MYO15B: variants seen among roughly 807,000 people sequenced by gnomAD.
MYO15B encodes the protein myosin XVB pseudogene.
Under a neutral mutation model 119.3 loss-of-function variants are expected in MYO15B, and 207 were observed. The ratio of observed to expected loss-of-function variants is 1.73; its 90% CI spans 1.55 to 1.95. MYO15B has a LOEUF of 1.95. MYO15B is among the 30% of genes most tolerant of loss of function. MYO15B has a pLI of 0.00. For synonymous variants in MYO15B, 966 were observed against 498.9 expected (o/e 1.94, Z -12.48); for missense variants, 2,264 against 1,203.1 (o/e 1.88, Z -13.04).
At chr17:75,605,420 G>A in intron 19 of MYO15B, 84 bp from the exon 20 acceptor site, 1 of 642,150 alleles carries the variant, frequency 1.6e-6, no homozygotes, top group Non-Finnish European at 2.8e-6. Flanking sequence ...CTGGGCAAAA[G>A]AGCGAGACTC....
exon 63 of MYO15B, chr17:75,626,210 C>G (rs530888649): frequency 4.3e-5 from 30 of 703,054 alleles, no homozygotes; most frequent in Non-Finnish European, 7.0e-5. Flanking sequence ...CCCAGACCAT[C>G]TGGTTTGAGC....
intron 14 of MYO15B, among the ~76,000 whole-genome samples, chr17:75,597,412 T>C (rs820258): frequency 0.67 from 101,868 of 152,166 alleles, 34,490 homozygotes; most frequent in East Asian, 0.78. Flanking sequence ...TCACAGCGTC[T>C]ATTCATTCAC....
rs1028476305 is a variant in MYO15B at position 75,616,604 on chromosome 17, G to A, written c.6325G>A (p.Glu2109Lys). The stretch of plus-strand genomic sequence containing the variant: ...CAAAGCTCCAAAAGAGGCTGAGGCT[G>A]AGCCAGCCAAGGAGACAGCGGCCAA... The change falls in exon 39 of 64, where the codon GAG (glutamate) becomes AAG (lysine). Residue 2109 changes from glutamate (E) to lysine (K), a missense_variant. Coordinates refer to ENST00000645453, the Ensembl canonical transcript of MYO15B. The A allele has an allele frequency of 1.4e-5, 10 of 702,904 alleles. No individual in the cohort carries two copies. In the African/African-American group the frequency reaches 1.7e-4, roughly 12 times the overall value. The allele number at this position is 702,904 out of a possible 1,614,324, so 43.5% of individuals were successfully genotyped here.
At chr17:75,591,402 A>C in intron 4 of MYO15B, 156 bp downstream of exon 4, 1 of 619,230 alleles carries the variant, frequency 1.6e-6, no homozygotes, top group Non-Finnish European at 2.9e-6. Flanking sequence ...AAATCATCAC[A>C]TGAGCCCCTG....
intron 14 of MYO15B, chr17:75,600,479 ACT>A (rs1325129645): frequency 7.2e-6 from 1 of 138,826 alleles, no homozygotes; most frequent in African/African-American, 2.7e-5. Flanking sequence ...ATGGGGTCTC[ACT>A]CTCTCACGCA....
rs369987742 is a variant in MYO15B, at chr17:75,619,951, G to C, written c.7374G>C (p.Leu2458=). ...AGCTGTCACTGAAGAGCGAGCAGCT[G>C]GTGCTGCACACAGCCCGGGCAAGGG... The change falls in exon 47 of 64, where the codon CTG becomes CTC. Residue 2458 remains leucine, a synonymous_variant. Transcript: ENST00000645453. The C allele has an allele frequency of 8.3e-5, 58 of 702,844 alleles. No individual in the cohort carries two copies. In the African/African-American group the frequency reaches 8.7e-4, roughly 11 times the overall value. 43.5% of individuals were successfully genotyped at this position (702,844 alleles called of 1,614,324 possible).
At chr17:75,612,068 C>A in intron 25 of MYO15B, 52 bp downstream of exon 25, 1 of 691,012 alleles carries the variant, frequency 1.4e-6, no homozygotes, top group Non-Finnish European at 2.7e-6. Flanking sequence ...TCTGAGTTAG[C>A]ACCTGCCTGA....
At position 75,609,249 on chromosome 17, in the gene MYO15B, C is replaced by T. The variant is rs561224301; in HGVS notation, c.4293-917C>T. ...GCAAGATAGGGTCTGACTTTGTCAC[C>T]CAGGCTAAAGAGCAGTGACCCAGTC... On this transcript the variant is annotated intron_variant, in intron 21 of 63. Coordinates refer to ENST00000645453, the Ensembl canonical transcript of MYO15B. Among the ~76,000 whole-genome samples, 3 of 151,694 alleles carry T rather than the reference C, an allele frequency of 2.0e-5. No homozygotes were observed. The South Asian group carries it at 6.3e-4, about 32-fold the overall frequency.
chr17:75,610,281 G>C (rs998952191), intron 22 of MYO15B, 22 bp downstream of exon 22: 2 of 681,248 alleles, frequency 2.9e-6, no homozygotes, highest in African/African-American at 3.6e-5. Context: ...TGGGTGGGGC[G>C]GTTCAGGGTA....
At chr17:75,616,935 A>T in exon 40 of MYO15B, 1 of 702,940 alleles carries the variant, frequency 1.4e-6, no homozygotes, top group Non-Finnish European at 2.6e-6. Flanking sequence ...CAAGCTGGGT[A>T]TCAACGGTGC....
chr17:75,591,427 G>T, intron 4 of MYO15B, 174 bp from the exon 5 acceptor site: 1 of 617,648 alleles, frequency 1.6e-6, no homozygotes, highest in Non-Finnish European at 2.9e-6. Context: ...GTGGCATCTT[G>T]GGGACTTTTT....
exon 48 of MYO15B, chr17:75,620,276 T>G (rs1222315653): frequency 2.8e-6 from 2 of 702,998 alleles, no homozygotes; most frequent in Admixed American, 4.0e-5. Flanking sequence ...CCTGCGCAGC[T>G]ACATCACTGA....
At chr17:75,609,807 G>A (rs1458073624) in intron 21 of MYO15B, among the ~76,000 whole-genome samples, 1 of 146,928 alleles carries the variant, frequency 6.8e-6, no homozygotes, top group Non-Finnish European at 1.5e-5. Flanking sequence ...CCAGGTTCAA[G>A]TGATTCTGGT....
chr17:75,601,360 G>C, intron 14 of MYO15B, 78 bp from the exon 15 acceptor site: 1 of 681,152 alleles, frequency 1.5e-6, no homozygotes, highest in Non-Finnish European at 2.7e-6. Flanking sequence ...GGCAGTACTC[G>C]TGCTCACCGG....
exon 38 of MYO15B, chr17:75,616,339 T>G: frequency 1.6e-6 from 1 of 609,148 alleles, no homozygotes; most frequent in Non-Finnish European, 2.9e-6. Context: ...GTGAGGACGA[T>G]GAAGCCCCCG....
exon 50 of MYO15B, chr17:75,621,061 A>G: frequency 1.4e-6 from 1 of 702,840 alleles, no homozygotes; most frequent in Non-Finnish European, 2.6e-6. Flanking sequence ...CCAGGCACAC[A>G]GTGACGACTC....
At chr17:75,597,949 C>T (rs9913002) in intron 14 of MYO15B, among the ~76,000 whole-genome samples, 89,114 of 151,760 alleles carry the variant, frequency 0.59, 27,888 homozygotes, top group East Asian at 0.77. Flanking sequence ...AAACCAAAAA[C>T]GCAGAGCCAA....
At chr17:75,613,069 G>C (rs2058129138) in exon 27 of MYO15B, 1 of 702,424 alleles carries the variant, frequency 1.4e-6, no homozygotes, top group Non-Finnish European at 2.6e-6. Context: ...GGCCAGGGCT[G>C]CGGAATGAGC....
At chr17:75,622,647 T>C (rs1386219590) in intron 53 of MYO15B, among the ~76,000 whole-genome samples, 2 of 152,208 alleles carry the variant, frequency 1.3e-5, no homozygotes, top group African/African-American at 4.8e-5. Flanking sequence ...TTTGAGATTC[T>C]GGGTGTCTAA....
Sources: gnomAD v4.1 joint callset for allele counts (sites outside exome capture counted in the v4.1 genomes callset) on GRCh38, gnomAD v4.1.1 for gene constraint, MANE v1.5 for transcripts, NCBI Gene and HGNC (gene_info 2026-07-23, HGNC 2026-07-21) for gene names.